KIFAP3: variants seen among roughly 807,000 people sequenced by gnomAD.
The protein encoded by KIFAP3 is kinesin associated protein 3, also known as kinesin-associated protein 3.
KIFAP3 carries 68 observed loss-of-function variants against 106.5 expected under a neutral mutation model. The ratio of observed to expected loss-of-function variants is 0.64; its 90% CI spans 0.53 to 0.78. KIFAP3 has a LOEUF of 0.78. Ranked by LOEUF, KIFAP3 falls within the 30% of genes least tolerant of loss-of-function variation. The pLI, the probability that KIFAP3 is intolerant of heterozygous loss-of-function variation, is 0.00. For missense variants in KIFAP3, 780 were observed against 941.8 expected, an observed-to-expected ratio of 0.83 and a Z score of 2.25; for synonymous variants, 320 against 311.5, an observed-to-expected ratio of 1.03 and a Z score of -0.29.
intron 19 of KIFAP3, among the ~76,000 whole-genome samples, chr1:169,945,156 C>T (rs1664368602): frequency 6.7e-6 from 1 of 149,498 alleles, no homozygotes; most frequent in South Asian, 2.1e-4. Flanking sequence ...CGGGGGGGGG[C>T]TGGTGTGTCA....
chr1:170,035,401 C>CA, intron 6 of KIFAP3, 53 bp downstream of exon 6: 1 of 1,106,518 alleles, frequency 9.0e-7, no homozygotes. Context: ...ATGACACAGA[C>CA]AAAGAGCAAT....
intron 19 of KIFAP3, among the ~76,000 whole-genome samples, chr1:169,924,860 G>A (rs1663046324): frequency 1.3e-5 from 2 of 152,288 alleles, no homozygotes; most frequent in South Asian, 2.1e-4. Context: ...AAAAGGCAAC[G>A]TTGCAGGAAA....
intron 18 of KIFAP3, among the ~76,000 whole-genome samples, chr1:169,954,383 C>T (rs751479980): frequency 2.6e-5 from 4 of 151,908 alleles, no homozygotes; most frequent in Non-Finnish European, 5.9e-5. Flanking sequence ...TGCCTTCAAG[C>T]AGGCTTATGG....
At chr1:169,960,553 A>G (rs2101861495) in intron 18 of KIFAP3, among the ~76,000 whole-genome samples, 1 of 152,286 alleles carries the variant, frequency 6.6e-6, no homozygotes, top group Non-Finnish European at 1.5e-5. Context: ...CATAGTTTAG[A>G]AAGAATAAAC....
chr1:170,027,018 T>C (rs1181962624), intron 8 of KIFAP3, among the ~76,000 whole-genome samples: 5 of 144,788 alleles, frequency 3.5e-5, no homozygotes, highest in African/African-American at 7.6e-5. Context: ...TTGCTTCTTT[T>C]TTTTTTTTTT....
At chr1:169,996,077 T>C (rs1667360315) in intron 10 of KIFAP3, among the ~76,000 whole-genome samples, 1 of 152,128 alleles carries the variant, frequency 6.6e-6, no homozygotes. Flanking sequence ...ATATTAATTT[T>C]ATATAGTGAA....
intron 18 of KIFAP3, chr1:169,958,173 T>G (rs901934568): frequency 1.3e-5 from 2 of 152,306 alleles, no homozygotes; most frequent in Non-Finnish European, 2.9e-5. Context: ...TCCAGAGCTC[T>G]TAAGACTCAA....
chr1:169,954,127 A>T lies in KIFAP3; in HGVS notation c.2174-17T>A, dbSNP rs772620900. 4 of 1,495,500 alleles carry T rather than the reference A, an allele frequency of 2.7e-6. No homozygotes were observed. 92.6% of individuals were successfully genotyped at this position (1,495,500 alleles called of 1,614,324 possible). A position where few individuals can be genotyped will look rare whatever the true frequency, so the allele number is the denominator to read the frequency against. On this transcript the variant is annotated splice_polypyrimidine_tract_variant and intron_variant, in intron 18 of 19. Transcript: ENST00000361580. ...TTAATCCATCTAGAAAGAAAAAAAA[A>T]TGGTAACCAGTAAAACATATGTGTA... is the stretch of plus-strand genomic sequence containing the variant.
chr1:170,020,958 C>A (rs1668784966), intron 9 of KIFAP3, among the ~76,000 whole-genome samples: 1 of 152,076 alleles, frequency 6.6e-6, no homozygotes, highest in Non-Finnish European at 1.5e-5. Flanking sequence ...AAATATGACA[C>A]CCAAATACAG....
intron 8 of KIFAP3, among the ~76,000 whole-genome samples, chr1:170,025,811 T>C (rs1485849477): frequency 1.3e-5 from 2 of 152,096 alleles, no homozygotes; most frequent in African/African-American, 2.4e-5. Flanking sequence ...TGTCAAAAGG[T>C]TTTAGAATTA....
chr1:170,079,536 T>C (rs922435207), upstream of KIFAP3, among the ~76,000 whole-genome samples: 3 of 152,154 alleles, frequency 2.0e-5, no homozygotes, highest in Non-Finnish European at 4.4e-5. Flanking sequence ...CTATTAGCAA[T>C]CTAAGAATAG....
intron 16 of KIFAP3, among the ~76,000 whole-genome samples, chr1:169,973,100 A>AGTGT (rs199766640): frequency 6.1e-4 from 9 of 14,832 alleles, no homozygotes; most frequent in African/African-American, 3.2e-3. Flanking sequence ...TTTAAAAAAT[A>AGTGT]GTGTGTATAT....
At chr1:169,994,591 T>C (rs616789) in intron 10 of KIFAP3, among the ~76,000 whole-genome samples, 142,588 of 152,164 alleles carry the variant, frequency 0.94, 66,889 homozygotes, top group East Asian at 1. Context: ...TTCAGATGAA[T>C]GGACACTAGT....
Position 170,031,920 on chromosome 1 carries a change from CT to C in KIFAP3, c.806del (p.Gln269ArgfsTer5), listed in dbSNP as rs762517775. On this transcript the variant is annotated frameshift_variant, in exon 8 of 20. Transcript: ENST00000361580. LOFTEE classifies it high-confidence loss of function. ...GCTGTTCCTGTTTTACCACAAGCCC[CT>C]GGTACTTTTTAAAGGTTTTTTCATA... ...KDYEKTFKKY[Q>X]GLVVKQEQLL... is the part of the protein sequence containing the mutation. 6.2e-7 allele frequency: 1 copy of C among 1,611,020 alleles called. No homozygotes were observed. Among genetic ancestry groups the C allele is most frequent in the Non-Finnish European group, 8.5e-7 (1 of 1,177,848 alleles).
intron 11 of KIFAP3, among the ~76,000 whole-genome samples, chr1:169,989,678 T>C (rs950696345): frequency 2.8e-4 from 43 of 152,198 alleles, no homozygotes; most frequent in African/African-American, 9.6e-4. Flanking sequence ...ATATGCTGTA[T>C]ATTCTTTCAG....
intron 7 of KIFAP3, among the ~76,000 whole-genome samples, chr1:170,032,840 T>C (rs1008703142): frequency 6.6e-6 from 1 of 151,736 alleles, no homozygotes; most frequent in South Asian, 2.1e-4. Flanking sequence ...CCCTGATGTG[T>C]CATAGTTTAA....
intron 18 of KIFAP3, chr1:169,958,329 C>G (rs1419164073): frequency 6.6e-6 from 1 of 152,192 alleles, no homozygotes; most frequent in Non-Finnish European, 1.5e-5. Flanking sequence ...TGGCCTCAAA[C>G]AACCCTCCTG....
At chr1:169,944,355 G>A (rs1370819141) in intron 19 of KIFAP3, among the ~76,000 whole-genome samples, 2 of 152,188 alleles carry the variant, frequency 1.3e-5, no homozygotes, top group East Asian at 1.9e-4. Flanking sequence ...CTGAGCAACT[G>A]CGTCTGGATG....
At chr1:169,950,751 T>A (rs2101835739) in intron 19 of KIFAP3, among the ~76,000 whole-genome samples, 1 of 152,140 alleles carries the variant, frequency 6.6e-6, no homozygotes, top group Admixed American at 6.5e-5. Flanking sequence ...CGGTTAAAAT[T>A]AAAAATTTCA....
Sources: gnomAD v4.1 joint callset for allele counts (sites outside exome capture counted in the v4.1 genomes callset) on GRCh38, gnomAD v4.1.1 for gene constraint, MANE v1.5 for transcripts, NCBI Gene and HGNC (gene_info 2026-07-23, HGNC 2026-07-21) for gene names.